ENTREP2: variants seen among roughly 807,000 people sequenced by gnomAD.
The protein encoded by ENTREP2 is endosomal transmembrane epsin interactor 2.
chr15:29,538,454 G>C, the ENTREP2 span, among the ~76,000 whole-genome samples: 24 of 151,976 alleles, frequency 1.6e-4, no homozygotes, highest in African/African-American at 4.6e-4. Context: ...CATGAAGAGA[G>C]GACAACATGA....
the ENTREP2 span, among the ~76,000 whole-genome samples, chr15:29,459,356 T>G: frequency 0.62 from 94,807 of 151,814 alleles, 29,650 homozygotes; most frequent in South Asian, 0.66. Context: ...CCTGGGAGGG[T>G]ACATTTCCTG....
the ENTREP2 span, among the ~76,000 whole-genome samples, chr15:29,422,774 TAA>T: frequency 1.3e-5 from 2 of 152,006 alleles, no homozygotes; most frequent in Non-Finnish European, 1.5e-5. Flanking sequence ...GAAACTTAGG[TAA>T]GAGAGAAAGA....
the ENTREP2 span, among the ~76,000 whole-genome samples, chr15:29,555,226 G>A: frequency 1.3e-5 from 2 of 152,146 alleles, no homozygotes; most frequent in African/African-American, 4.8e-5. Context: ...AGAGATTTGG[G>A]TTTTTCATTT....
the ENTREP2 span, among the ~76,000 whole-genome samples, chr15:29,472,539 A>G: frequency 6.6e-6 from 1 of 151,262 alleles, no homozygotes; most frequent in African/African-American, 2.4e-5. Context: ...ATCTCGGCTC[A>G]CTGCAACCTC....
chr15:29,199,762 T>G, the ENTREP2 span, among the ~76,000 whole-genome samples: 1 of 152,204 alleles, frequency 6.6e-6, no homozygotes. Context: ...AACTTACATA[T>G]TTTTGCTCCT....
At chr15:29,475,030 A>G in the ENTREP2 span, among the ~76,000 whole-genome samples, 25 of 152,194 alleles carry the variant, frequency 1.6e-4, no homozygotes, top group Admixed American at 1.5e-3. Flanking sequence ...TGTGCCCTAC[A>G]TTGTATGATC....
the ENTREP2 span, among the ~76,000 whole-genome samples, chr15:29,456,682 A>G: frequency 2.1e-4 from 32 of 152,314 alleles, no homozygotes; most frequent in Non-Finnish European, 1.5e-5. Context: ...ATAAACCAAG[A>G]TGAACACAAA....
chr15:29,506,217 G>A, the ENTREP2 span, among the ~76,000 whole-genome samples: 3 of 152,104 alleles, frequency 2.0e-5, no homozygotes, highest in African/African-American at 4.8e-5. Flanking sequence ...AGAGAAAAAA[G>A]AATGAAAAGG....
the ENTREP2 span, among the ~76,000 whole-genome samples, chr15:29,300,459 G>C: frequency 6.6e-6 from 1 of 152,042 alleles, no homozygotes; most frequent in Non-Finnish European, 1.5e-5. Flanking sequence ...TGGATGTTGA[G>C]GCATGGCATC....
the ENTREP2 span, among the ~76,000 whole-genome samples, chr15:29,149,634 TC>T: frequency 6.6e-6 from 1 of 152,174 alleles, no homozygotes; most frequent in Non-Finnish European, 1.5e-5. Flanking sequence ...ACACGCTTCA[TC>T]TTTAGAGCCG....
At chr15:29,128,976 C>T in the ENTREP2 span, 165 of 651,744 alleles carry the variant, frequency 2.5e-4, no homozygotes, top group African/African-American at 1.8e-3. Flanking sequence ...CGCTGAGAGA[C>T]GTTCATCCAC....
chr15:29,306,576 C>T, the ENTREP2 span, among the ~76,000 whole-genome samples: 1 of 149,298 alleles, frequency 6.7e-6, no homozygotes, highest in African/African-American at 2.4e-5. Flanking sequence ...TCTGATAATG[C>T]TATGCCAGGT....
chr15:29,510,989 A>G, the ENTREP2 span, among the ~76,000 whole-genome samples: 1 of 152,044 alleles, frequency 6.6e-6, no homozygotes, highest in Non-Finnish European at 1.5e-5. Flanking sequence ...GAGGTGAACA[A>G]TGAGAACATA....
the ENTREP2 span, among the ~76,000 whole-genome samples, chr15:29,437,487 TC>T: frequency 1.3e-5 from 2 of 152,242 alleles, no homozygotes; most frequent in Non-Finnish European, 2.9e-5. Context: ...TAATATTGCA[TC>T]TCCAACTTCT....
At chr15:29,230,799 T>C in the ENTREP2 span, among the ~76,000 whole-genome samples, 3 of 152,168 alleles carry the variant, frequency 2.0e-5, no homozygotes, top group African/African-American at 7.2e-5. Context: ...ATTATTGACA[T>C]AGAAACCAAG....
chr15:29,307,776 T>C, the ENTREP2 span, among the ~76,000 whole-genome samples: 13 of 152,248 alleles, frequency 8.5e-5, no homozygotes, highest in Admixed American at 3.3e-4. Context: ...AAAGACACAG[T>C]GGGAAGGCGG....
the ENTREP2 span, among the ~76,000 whole-genome samples, chr15:29,458,638 C>CCA: frequency 6.6e-5 from 10 of 152,190 alleles, no homozygotes; most frequent in Non-Finnish European, 1.5e-4. Flanking sequence ...CACGCCTCCT[C>CCA]TGGATCCTCA....
At chr15:29,213,461 T>G in the ENTREP2 span, among the ~76,000 whole-genome samples, 1 of 152,192 alleles carries the variant, frequency 6.6e-6, no homozygotes. Context: ...TCTCTTTTAT[T>G]TCTTTGAGCA....
At chr15:29,440,658 C>G in the ENTREP2 span, among the ~76,000 whole-genome samples, 3 of 152,184 alleles carry the variant, frequency 2.0e-5, no homozygotes, top group East Asian at 5.8e-4. Context: ...GGTTCCCGTC[C>G]TGCCTCTCAC....
Sources: allele counts gnomAD v4.1 joint callset (sites outside exome capture counted in the v4.1 genomes callset), GRCh38; gene constraint gnomAD v4.1.1; transcripts MANE v1.5; gene names NCBI Gene and HGNC (gene_info 2026-07-23, HGNC 2026-07-21).